ZNFX1: variants seen among roughly 807,000 people sequenced by gnomAD.
ZNFX1 encodes the protein zinc finger NFX1-type containing 1.
A neutral mutation model predicts 179.8 loss-of-function variants in ZNFX1; 78 were observed. The observed-to-expected ratio is 0.43, with a 90% CI of 0.36 to 0.52. The LOEUF (loss-of-function observed/expected upper bound fraction) is 0.52. ZNFX1 is among the 20% of genes least tolerant of loss of function. The pLI is 0.00. For synonymous variants in ZNFX1, 848 were observed against 868.5 expected, an observed-to-expected ratio of 0.98 and a Z score of 0.42; for missense variants, 1,927 against 2,386.6, an observed-to-expected ratio of 0.81 and a Z score of 4.01.
chr20:49,257,534 C>G lies in ZNFX1; in HGVS notation c.2547G>C (p.Arg849=). The G allele has an allele frequency of 3.1e-6, 5 of 1,613,850 alleles. No homozygotes were observed. The highest frequency in any genetic ancestry group is 2.2e-5 in the South Asian group (2 of 91,052). Residue 849 remains arginine (R), a synonymous_variant, in exon 8 of 14, where the codon CGG becomes CGC. Coordinates refer to ENST00000396105, the MANE Select transcript of ZNFX1 (RefSeq NM_021035.3). ...EEEEVVRPQR[R]KKEESGADQE... is the part of the protein sequence containing the mutation. ...GGTCTGCTCCACTCTCTTCCTTCTT[C>G]CGCCGCTGGGGCCTCACCACCTCTT...
chr20:49,271,981 CAGTTATTG>C (rs1483836381), intron 2 of ZNFX1, among the ~76,000 whole-genome samples: 1 of 152,162 alleles, frequency 6.6e-6, no homozygotes, highest in Non-Finnish European at 1.5e-5. Flanking sequence ...AAGGAATAAA[CAGTTATTG>C]AGTACCTGAT....
chr20:49,274,180 A>T, intron 2 of ZNFX1, among the ~76,000 whole-genome samples: 1 of 152,230 alleles, frequency 6.6e-6, no homozygotes, highest in East Asian at 1.9e-4. Context: ...CATTAGCCAC[A>T]TGTGGCTGCT....
intron 8 of ZNFX1, 166 bp from the exon 9 acceptor site, chr20:49,256,113 G>A (rs1600988279): frequency 1.2e-6 from 1 of 828,544 alleles, no homozygotes; most frequent in South Asian, 1.9e-5. Flanking sequence ...GGCTAAACAA[G>A]GACTCTGGAG....
Position 49,263,400 on chromosome 20 carries a change from C to G in ZNFX1, c.2235G>C (p.Arg745=). 4 of 1,613,862 alleles carry G rather than the reference C, an allele frequency of 2.5e-6. No individual in the cohort carries two copies. The highest frequency in any genetic ancestry group is 3.4e-6 in the Non-Finnish European group (4 of 1,179,950). Residue 745 remains arginine (R), a synonymous_variant, in exon 6 of 14, where the codon CGG becomes CGC. Transcript: ENST00000396105. ...TLECTMRGVL[R]EQYLQKYISP... is the part of the protein sequence containing the mutation. Reference sequence around the variant, plus strand: ...AGATGTACTTCTGCAGGTACTGTTCCCGTAGGACACCACGCATGGTGCACT... The same window carrying G: ...AGATGTACTTCTGCAGGTACTGTTCGCGTAGGACACCACGCATGGTGCACT...
At chr20:49,276,390 T>C (rs1981559532) in intron 1 of ZNFX1, among the ~76,000 whole-genome samples, 1 of 152,200 alleles carries the variant, frequency 6.6e-6, no homozygotes, top group Non-Finnish European at 1.5e-5. Context: ...AAATAATTAG[T>C]GAGCAGTTAT....
Position 49,249,257 on chromosome 20 carries a change from AT to A in ZNFX1, c.3766del (p.Ile1256Ter). 3 of 1,614,144 alleles carry A rather than the reference AT, an allele frequency of 1.9e-6. No homozygotes were observed. The highest frequency in any genetic ancestry group is 2.5e-6 in the Non-Finnish European group (3 of 1,180,018). On this transcript the variant is annotated frameshift_variant, in exon 14 of 14. Coordinates refer to ENST00000396105, the MANE Select transcript of ZNFX1 (RefSeq NM_021035.3). LOFTEE classifies it high-confidence loss of function. ...GCAGCAGAGCCGGAGCATGGGGCCTATTTGATTGTTCTCTCGAAGTGTATGA... is the reference window on the plus strand; with the variant it reads ...GCAGCAGAGCCGGAGCATGGGGCCTATTGATTGTTCTCTCGAAGTGTATGA... ...IIHTLRENNQIGPMLRLCCQN... is the reference protein window; with the variant it reads ...IIHTLRENNQXGPMLRLCCQN...
Position 49,270,868 on chromosome 20 carries a change from C to G in ZNFX1, c.944G>C (p.Arg315Thr). 6.2e-7 allele frequency: 1 copy of G among 1,614,142 alleles called. No individual in the cohort carries two copies. Among genetic ancestry groups the G allele is most frequent in the Non-Finnish European group, 8.5e-7 (1 of 1,180,026 alleles). Reference sequence around the variant, plus strand: ...CTGCACTAGAGTGTAGGTATCCACTCTCAAAGTGCCCTCTCGCCTCTTTTC... The same window carrying G: ...CTGCACTAGAGTGTAGGTATCCACTGTCAAAGTGCCCTCTCGCCTCTTTTC... ...LQEKRREGTL[R>T]VDTYTLVQPE... The change falls in exon 3 of 14, where the codon AGA (arginine) becomes ACA (threonine). Residue 315 changes from arginine to threonine, a missense_variant. Transcript: ENST00000396105. The surrounding 1 kb of genome is among the most constrained non-coding windows in gnomAD (Gnocchi z 4.6).
chr20:49,251,003 C>T (rs550857341), intron 13 of ZNFX1, among the ~76,000 whole-genome samples: 44 of 152,304 alleles, frequency 2.9e-4, no homozygotes, highest in Non-Finnish European at 3.5e-4. Flanking sequence ...GCCACCGCGC[C>T]TGGCCAGAAT....
In ZNFX1 at chr20:49,259,118, ATAAAT is replaced by A. The variant is rs753913911; in HGVS notation, c.2416+1340_2416+1344del. Among the ~76,000 whole-genome samples, 4 of 134,694 alleles carry A rather than the reference ATAAAT, an allele frequency of 3.0e-5. 1 individual carries two copies. Among genetic ancestry groups the A allele is most frequent in the Non-Finnish European group, 6.4e-5 (4 of 62,364 alleles). The allele number at this position is 134,694 out of a possible 152,430, so 88.4% of individuals were successfully genotyped here. A position where few individuals can be genotyped will look rare whatever the true frequency, so the allele number is the denominator to read the frequency against. ...CTGTGAGACTCAGTCTCAAAAAAAA[ATAAAT>A]AAATAAATAAATAAATAAAATAAAT... On this transcript the variant is annotated intron_variant, in intron 7 of 13. Transcript: ENST00000396105.
intron 3 of ZNFX1, among the ~76,000 whole-genome samples, chr20:49,268,377 C>G (rs1351272677): frequency 1.3e-5 from 2 of 152,120 alleles, no homozygotes; most frequent in East Asian, 3.8e-4. Context: ...CTCTAGCAAT[C>G]TTGTATCTAT....
At chr20:49,271,873 A>G in intron 2 of ZNFX1, 123 bp from the exon 3 acceptor site, 2 of 1,160,956 alleles carry the variant, frequency 1.7e-6, no homozygotes, top group Admixed American at 2.9e-5. Flanking sequence ...ATACGGTAAG[A>G]AAAACGGTTT....
chr20:49,249,280 A>G lies in ZNFX1; in HGVS notation c.3744T>C (p.His1248=). 1.2e-6 allele frequency: 2 copies of G among 1,614,226 alleles called. No homozygotes were observed. The highest frequency in any genetic ancestry group is 1.6e-4 in the Middle Eastern group (1 of 6,062). ...CTATTTGATTGTTCTCTCGAAGTGT[A>G]TGAATGATCTTGCTCCACAGGGGCA... ...AKVPLWSKII[H]TLRENNQIGP... The change falls in exon 14 of 14, where the codon CAT becomes CAC. Residue 1248 remains histidine (H), a synonymous_variant. Coordinates refer to ENST00000396105, the MANE Select transcript of ZNFX1 (RefSeq NM_021035.3).
Position 49,270,349 on chromosome 20 carries a change from TC to T in ZNFX1, c.1462del (p.Glu488SerfsTer7). The T allele has an allele frequency of 6.2e-7, 1 of 1,614,162 alleles. No individual in the cohort carries two copies. Among genetic ancestry groups the T allele is most frequent in the Non-Finnish European group, 8.5e-7 (1 of 1,180,030 alleles). On this transcript the variant is annotated frameshift_variant, in exon 3 of 14. Transcript: ENST00000396105. LOFTEE classifies it high-confidence loss of function. The surrounding 1 kb of genome is among the most constrained non-coding windows in gnomAD (Gnocchi z 4.6). ...CRGIVQLCFNEQSQQLLAEVQ... is the reference protein window; with the variant it reads ...CRGIVQLCFNXQSQQLLAEVQ... ...CTCTGCTAGCAGCTGTTGGCTTTGC[TC>T]ATTGAAGCAGAGCTGGACAATTCCT...
intron 6 of ZNFX1, 34 bp from the exon 7 acceptor site, chr20:49,260,611 C>A: frequency 6.8e-7 from 1 of 1,477,854 alleles, no homozygotes; most frequent in South Asian, 1.2e-5. Context: ...TGTGAGGATT[C>A]TATGACAACC....
rs1411505292 is a variant in ZNFX1, at chr20:49,248,567, C to G, written c.4457G>C (p.Cys1486Ser). ...QEPCIGECPP[C>S]QRTCQNRCVH... ...ACAGCGGTTCTGACAGGTCCGCTGGCAGGGTGGGCACTCACCAATGCATGG... is the reference window on the plus strand; with the variant it reads ...ACAGCGGTTCTGACAGGTCCGCTGGGAGGGTGGGCACTCACCAATGCATGG... Residue 1486 changes from cysteine to serine, a missense_variant, in exon 14 of 14, where the codon TGC becomes TCC. Physicochemically the swap from Cys to Ser is moderately radical, Grantham distance 112. Transcript: ENST00000396105. The surrounding 1 kb of genome is among the most constrained non-coding windows in gnomAD (Gnocchi z 4.6). 2 of 1,614,076 alleles carry G rather than the reference C, an allele frequency of 1.2e-6. No individual in the cohort carries two copies. Among genetic ancestry groups the G allele is most frequent in the Non-Finnish European group, 1.7e-6 (2 of 1,180,046 alleles).
chr20:49,259,262 T>C (rs1402534770), intron 7 of ZNFX1, among the ~76,000 whole-genome samples: 1 of 152,034 alleles, frequency 6.6e-6, no homozygotes, highest in African/African-American at 2.4e-5. Context: ...AATACCCAAG[T>C]ACCTTCCACC....
At chr20:49,255,414 G>A (rs370857194) in intron 9 of ZNFX1, among the ~76,000 whole-genome samples, 3 of 151,576 alleles carry the variant, frequency 2.0e-5, no homozygotes, top group Non-Finnish European at 2.9e-5. Flanking sequence ...CTTGAACCCT[G>A]GGCCTCAAGA....
At chr20:49,255,779 A>G (rs1385795799) in intron 9 of ZNFX1, 29 bp downstream of exon 9, 3 of 1,590,146 alleles carry the variant, frequency 1.9e-6, no homozygotes, top group Admixed American at 1.8e-5. Context: ...AACTCCCTAC[A>G]TGGGTTGGCT....
chr20:49,266,097 A>T (rs780088419), intron 4 of ZNFX1, 38 bp downstream of exon 4: 2 of 1,595,880 alleles, frequency 1.3e-6, no homozygotes, highest in Admixed American at 3.7e-5. Flanking sequence ...TCAATCATCA[A>T]CATCTTGATA....
Sources: allele counts gnomAD v4.1 joint callset (sites outside exome capture counted in the v4.1 genomes callset), GRCh38; gene constraint gnomAD v4.1.1; non-coding constraint Gnocchi (gnomAD v3.1); transcripts MANE v1.5; gene names NCBI Gene and HGNC (gene_info 2026-07-23, HGNC 2026-07-21).